MTTP: variants seen among roughly 807,000 people sequenced by gnomAD.
MTTP encodes microsomal triglyceride transfer protein large subunit.
A neutral mutation model predicts 90.6 loss-of-function variants in MTTP; 49 were observed. That is an observed-to-expected ratio of 0.54 (90% CI 0.43 to 0.69). The LOEUF is 0.69. MTTP is among the 30% of genes least tolerant of loss of function. The pLI, the probability that MTTP is intolerant of heterozygous loss-of-function variation, is 0.00. For synonymous variants in MTTP, 347 were observed against 384.2 expected (o/e 0.90, Z 1.13); for missense variants, 945 against 1,067.5 (o/e 0.89, Z 1.60).
chr4:99,593,815 A>T (rs1201939862), intron 6 of MTTP, among the ~76,000 whole-genome samples: 1 of 152,214 alleles, frequency 6.6e-6, no homozygotes, highest in Non-Finnish European at 1.5e-5. Flanking sequence ...ATTTTCATAT[A>T]AAATAAATAT....
intron 1 of MTTP, among the ~76,000 whole-genome samples, chr4:99,575,473 A>T (rs1046403351): frequency 1.3e-5 from 2 of 152,220 alleles, no homozygotes; most frequent in African/African-American, 4.8e-5. Context: ...CATATATTTA[A>T]TTCCGTTACA....
At chr4:99,569,635 AAG>A in intron 1 of MTTP, among the ~76,000 whole-genome samples, 1 of 152,094 alleles carries the variant, frequency 6.6e-6, no homozygotes, top group East Asian at 1.9e-4. Context: ...ATGGCAAAAA[AAG>A]AAAATGCAAG....
chr4:99,584,438 AG>A (rs2110213359), intron 3 of MTTP, among the ~76,000 whole-genome samples: 1 of 152,270 alleles, frequency 6.6e-6, no homozygotes, highest in South Asian at 2.1e-4. Context: ...TTTCAACTGA[AG>A]TATTTGAAAA....
At chr4:99,565,321 TC>T (rs1724650986) in intron 1 of MTTP, among the ~76,000 whole-genome samples, 1 of 152,234 alleles carries the variant, frequency 6.6e-6, no homozygotes, top group African/African-American at 2.4e-5. Flanking sequence ...CACTTCATAT[TC>T]TAATAATGAA....
intron 17 of MTTP, 123 bp from the exon 18 acceptor site, chr4:99,622,554 C>T (rs188489169): frequency 1.4e-5 from 14 of 1,020,512 alleles, no homozygotes; most frequent in Admixed American, 9.2e-5. Context: ...GCCTTTGACA[C>T]TCATATCCTT....
intron 1 of MTTP, among the ~76,000 whole-genome samples, chr4:99,565,532 GTATT>G (rs369741163): frequency 2.4e-4 from 37 of 152,244 alleles, no homozygotes; most frequent in Middle Eastern, 3.4e-3. Context: ...TAAAATTTAT[GTATT>G]TATTTATTTG....
intron 11 of MTTP, 62 bp from the exon 12 acceptor site, chr4:99,608,704 C>T (rs1339542598): frequency 2.5e-6 from 3 of 1,223,486 alleles, no homozygotes; most frequent in Non-Finnish European, 2.4e-6. Flanking sequence ...TCCTGCTATT[C>T]CTGCTGAAAT....
chr4:99,574,943 A>G lies in MTTP; in HGVS notation c.34A>G (p.Ile12Val), dbSNP rs764357849. The change falls in exon 1 of 18, where the codon ATT becomes GTT. Residue 12 changes from isoleucine (I) to valine (V), a missense_variant. By Grantham distance (29) the Ile-to-Val change is conservative. Coordinates refer to ENST00000265517, the MANE Select transcript of MTTP (RefSeq NM_001386140.1). ...TCTTGCTGTGCTTTTTCTCTGCTTC[A>G]TTTCCTCATATTCAGCTTCTGTTAA... ...ILLAVLFLCF[I>V]SSYSASVKGH... 64 of 1,613,912 alleles carry G rather than the reference A, an allele frequency of 4.0e-5. No homozygotes were observed. Among genetic ancestry groups the G allele is most frequent in the Non-Finnish European group, 5.3e-5 (63 of 1,180,014 alleles).
intron 15 of MTTP, among the ~76,000 whole-genome samples, chr4:99,615,920 C>G (rs922911781): frequency 6.6e-6 from 1 of 152,182 alleles, no homozygotes; most frequent in African/African-American, 2.4e-5. Flanking sequence ...TAACTTTTTC[C>G]TCTAGTTCAT....
At position 99,622,998 on chromosome 4, in the gene MTTP, C is replaced by A; in HGVS notation, c.*150C>A. On this transcript the variant is annotated 3_prime_UTR_variant, in exon 18 of 18. Transcript: ENST00000265517. ...AAGCTACAAAAAACTGCAGTTTGAT[C>A]AAATTTGGGTATATGCAGTATGCTA... 1.1e-6 allele frequency: 1 copy of A among 897,872 alleles called. No homozygotes were observed. The highest frequency in any genetic ancestry group is 1.8e-6 in the Non-Finnish European group (1 of 557,074). The allele number at this position is 897,872 out of a possible 1,614,324, so 55.6% of individuals were successfully genotyped here. A position where few individuals can be genotyped will look rare whatever the true frequency, so the allele number is the denominator to read the frequency against.
chr4:99,611,350 C>T lies in MTTP; in HGVS notation c.1886C>T (p.Ser629Phe). 2 of 1,614,094 alleles carry T rather than the reference C, an allele frequency of 1.2e-6. No individual in the cohort carries two copies. Among genetic ancestry groups the T allele is most frequent in the East Asian group, 2.2e-5 (1 of 44,882 alleles). The change falls in exon 14 of 18, where the codon TCT becomes TTT. Residue 629 changes from serine (S) to phenylalanine (F), a missense_variant. Transcript: ENST00000265517. ...GYIERSPRSA[S>F]TYSLDILYSG... ...TCATCAGGTAGTCCCCGTTCGGCATCTACTTACAGCCTAGACATTCTCTAC... is the reference window on the plus strand; with the variant it reads ...TCATCAGGTAGTCCCCGTTCGGCATTTACTTACAGCCTAGACATTCTCTAC...
chr4:99,569,737 T>A (rs1724793024), intron 1 of MTTP, among the ~76,000 whole-genome samples: 1 of 152,016 alleles, frequency 6.6e-6, no homozygotes, highest in African/African-American at 2.4e-5. Context: ...CATATGTATG[T>A]ATATTGTTTA....
At chr4:99,577,561 C>A (rs184202543) in intron 1 of MTTP, among the ~76,000 whole-genome samples, 1 of 136,746 alleles carries the variant, frequency 7.3e-6, no homozygotes, top group Non-Finnish European at 1.5e-5. Flanking sequence ...GCTGAGATCA[C>A]ACCATTGCAC....
upstream of MTTP, chr4:99,574,790 A>G (rs1212473483): frequency 1.9e-6 from 3 of 1,601,676 alleles, no homozygotes; most frequent in South Asian, 3.3e-5. Flanking sequence ...TTCCCCAAAG[A>G]TAAACATGAT....
chr4:99,567,492 A>C (rs58844793), intron 1 of MTTP, among the ~76,000 whole-genome samples: 13,025 of 152,214 alleles, frequency 0.086, 1,004 homozygotes, highest in African/African-American at 0.19. Flanking sequence ...TCACTAAAAA[A>C]CAGAGGAAAC....
intron 8 of MTTP, among the ~76,000 whole-genome samples, chr4:99,599,109 G>A (rs761119265): frequency 2.0e-5 from 3 of 152,160 alleles, no homozygotes; most frequent in Non-Finnish European, 2.9e-5. Flanking sequence ...GTTGTATCCT[G>A]TAATTTGCAG....
chr4:99,565,658 A>G (rs902425405), intron 1 of MTTP, among the ~76,000 whole-genome samples: 5 of 152,224 alleles, frequency 3.3e-5, no homozygotes, highest in African/African-American at 1.2e-4. Flanking sequence ...GCCAGCAGTA[A>G]ATAAATACCA....
intron 6 of MTTP, among the ~76,000 whole-genome samples, chr4:99,592,647 A>G (rs767623913): frequency 6.6e-6 from 1 of 152,104 alleles, no homozygotes; most frequent in Non-Finnish European, 1.5e-5. Flanking sequence ...GAAGGCACTT[A>G]CAACCTCCAA....
At chr4:99,564,416 A>G (rs1266634563) in intron 1 of MTTP, 2 of 609,874 alleles carry the variant, frequency 3.3e-6, no homozygotes, top group African/African-American at 3.8e-5. Context: ...GTGGAAAATT[A>G]AATTCAAAAA....
Sources: allele counts gnomAD v4.1 joint callset (sites outside exome capture counted in the v4.1 genomes callset), GRCh38; gene constraint gnomAD v4.1.1; transcripts MANE v1.5; gene names NCBI Gene and HGNC (gene_info 2026-07-23, HGNC 2026-07-21).